Variants in ROBO1 observed in about 807,000 individuals in gnomAD.
ROBO1 encodes the protein roundabout homolog 1.
In ROBO1, 149 loss-of-function variants were observed where a neutral mutation model predicts 195.9. That is an observed-to-expected ratio of 0.76 (90% CI 0.67 to 0.87). The LOEUF is 0.87. ROBO1 is among the 40% of genes least tolerant of loss of function. The pLI, the probability that ROBO1 is intolerant of heterozygous loss-of-function variation, is 0.00. For missense variants in ROBO1, 1,933 were observed against 2,068.3 expected (o/e 0.93, Z 1.27); for synonymous variants, 816 against 733.2 (o/e 1.11, Z -1.82).
At chr3:79,111,030 C>A (rs964173656) in intron 3 of ROBO1, among the ~76,000 whole-genome samples, 1 of 152,090 alleles carries the variant, frequency 6.6e-6, no homozygotes, top group Non-Finnish European at 1.5e-5. Context: ...TTACTACAAG[C>A]CTCTAGAAAA....
intron 2 of ROBO1, among the ~76,000 whole-genome samples, chr3:79,227,085 C>A (rs1576841646): frequency 6.6e-6 from 1 of 152,178 alleles, no homozygotes; most frequent in African/African-American, 2.4e-5. Flanking sequence ...TTTGTTTTCA[C>A]ACTTAACATC....
chr3:79,567,592 T>C (rs1302566027), intron 2 of ROBO1, among the ~76,000 whole-genome samples: 4 of 152,118 alleles, frequency 2.6e-5, no homozygotes, highest in Non-Finnish European at 5.9e-5. Context: ...CAGCCAATAG[T>C]ATTGTTACAT....
At chr3:79,125,659 A>C in intron 2 of ROBO1, 120 bp from the exon 3 acceptor site, 1 of 732,634 alleles carries the variant, frequency 1.4e-6, no homozygotes. Context: ...ACACAAGGAC[A>C]ACACACAGCA....
In ROBO1 at chr3:78,787,748, G is replaced by A. The variant is rs543615970; in HGVS notation, c.500-40848C>T. Among the ~76,000 whole-genome samples, 4 of 152,036 alleles carry A rather than the reference G, an allele frequency of 2.6e-5. No homozygotes were observed. The East Asian group carries it at 7.8e-4, about 30-fold the overall frequency. On this transcript the variant is annotated intron_variant, in intron 4 of 30. Coordinates refer to ENST00000464233, the MANE Select transcript of ROBO1 (RefSeq NM_002941.4). Reference sequence around the variant, plus strand: ...ACTTGAAGCCAGAAGCCAGGATTTCGAGACGAGCACAGGCAACAAAATGAG... The same window carrying A: ...ACTTGAAGCCAGAAGCCAGGATTTCAAGACGAGCACAGGCAACAAAATGAG...
intron 1 of ROBO1, among the ~76,000 whole-genome samples, chr3:79,716,051 C>T (rs900741309): frequency 1.3e-5 from 2 of 151,940 alleles, no homozygotes; most frequent in African/African-American, 2.4e-5. Context: ...TAGCCAAATT[C>T]CCCTTTATAA....
intron 1 of ROBO1, among the ~76,000 whole-genome samples, chr3:79,605,343 G>T (rs973888942): frequency 1.3e-5 from 2 of 150,688 alleles, no homozygotes; most frequent in Admixed American, 6.6e-5. Context: ...ATTCTTTTCT[G>T]GGAAAATTCC....
chr3:78,675,013 T>C (rs1708312060), intron 10 of ROBO1, among the ~76,000 whole-genome samples: 2 of 152,166 alleles, frequency 1.3e-5, no homozygotes, highest in African/African-American at 4.8e-5. Context: ...TTTTAGGTCA[T>C]ACTAGCTTAT....
chr3:79,600,302 A>G (rs1007897778), intron 1 of ROBO1, among the ~76,000 whole-genome samples: 2 of 152,038 alleles, frequency 1.3e-5, no homozygotes, highest in African/African-American at 4.8e-5. Context: ...AGTTAGATTT[A>G]TCTTAGACTG....
chr3:79,597,124 T>C (rs1311008462), intron 1 of ROBO1, among the ~76,000 whole-genome samples: 1 of 143,834 alleles, frequency 7.0e-6, no homozygotes, highest in Non-Finnish European at 1.5e-5. Flanking sequence ...CCTGTGTGCA[T>C]GCACGTGTGT....
intron 4 of ROBO1, among the ~76,000 whole-genome samples, chr3:78,817,587 A>T (rs2108658761): frequency 6.6e-6 from 1 of 152,312 alleles, no homozygotes; most frequent in South Asian, 2.1e-4. Flanking sequence ...CAGAAAAGTC[A>T]TTTCATATAA....
At chr3:79,365,917 A>G (rs996315775) in intron 2 of ROBO1, among the ~76,000 whole-genome samples, 1 of 147,024 alleles carries the variant, frequency 6.8e-6, no homozygotes, top group Non-Finnish European at 1.5e-5. Flanking sequence ...AAAAAAGAGT[A>G]CTACTTTTCA....
At chr3:79,448,907 T>C (rs190427612) in intron 2 of ROBO1, among the ~76,000 whole-genome samples, 1 of 152,252 alleles carries the variant, frequency 6.6e-6, no homozygotes, top group East Asian at 1.9e-4. Flanking sequence ...TATCCAAGCC[T>C]TTGAAGGGAT....
chr3:78,908,660 C>T (rs1466538175), intron 4 of ROBO1, among the ~76,000 whole-genome samples: 1 of 151,824 alleles, frequency 6.6e-6, no homozygotes, highest in African/African-American at 2.4e-5. Context: ...CATTAGTTTA[C>T]CTCGGCTTTC....
At chr3:79,441,803 C>T (rs1401158584) in intron 2 of ROBO1, among the ~76,000 whole-genome samples, 1 of 152,080 alleles carries the variant, frequency 6.6e-6, no homozygotes, top group African/African-American at 2.4e-5. Flanking sequence ...AGAAGTCATA[C>T]TAGGCAGGAC....
At chr3:79,415,448 A>G (rs1487257520) in intron 2 of ROBO1, among the ~76,000 whole-genome samples, 4 of 152,140 alleles carry the variant, frequency 2.6e-5, no homozygotes, top group Non-Finnish European at 4.4e-5. Flanking sequence ...ATAAATAAGT[A>G]CATGTGGGGC....
At chr3:79,477,818 G>A (rs142857829) in intron 2 of ROBO1, among the ~76,000 whole-genome samples, 255 of 152,180 alleles carry the variant, frequency 1.7e-3, no homozygotes, top group Admixed American at 4.2e-3. Flanking sequence ...ATTCATAATT[G>A]TACATTTACC....
chr3:79,520,549 G>A (rs528223996), intron 2 of ROBO1, among the ~76,000 whole-genome samples: 2 of 152,276 alleles, frequency 1.3e-5, no homozygotes, highest in South Asian at 4.1e-4. Context: ...GTGTTATTCA[G>A]TTATATTTCC....
intron 1 of ROBO1, among the ~76,000 whole-genome samples, chr3:79,715,194 A>G (rs972263334): frequency 1.3e-5 from 2 of 152,112 alleles, no homozygotes; most frequent in Admixed American, 1.3e-4. Flanking sequence ...ATATTACATG[A>G]ACTTAGTTGA....
chr3:79,430,474 A>G (rs1426899564), intron 2 of ROBO1, among the ~76,000 whole-genome samples: 1 of 152,120 alleles, frequency 6.6e-6, no homozygotes. Context: ...GTTTCTCTCA[A>G]TTGATTAGAC....
Sources: gnomAD v4.1 joint callset for allele counts (sites outside exome capture counted in the v4.1 genomes callset) on GRCh38, gnomAD v4.1.1 for gene constraint, MANE v1.5 for transcripts, NCBI Gene and HGNC (gene_info 2026-07-23, HGNC 2026-07-21) for gene names.